The following EXOC2 variants were observed in gnomAD, a reference collection of about 807,000 sequenced individuals.
The protein encoded by EXOC2 is exocyst complex component 2, also known as SEC5-like 1.
In EXOC2, 70 loss-of-function variants were observed where a neutral mutation model predicts 131.8. The observed-to-expected ratio is 0.53, with a 90% CI of 0.44 to 0.65. The LOEUF is 0.65. Ranked by LOEUF, EXOC2 falls within the 30% of genes least tolerant of loss-of-function variation. The pLI is 0.00. For synonymous variants in EXOC2, 411 were observed against 398.4 expected (o/e 1.03, Z -0.38); for missense variants, 923 against 1,108.6 (o/e 0.83, Z 2.38).
At chr6:488,519 A>T (rs1258469987) in intron 27 of EXOC2, among the ~76,000 whole-genome samples, 2 of 152,152 alleles carry the variant, frequency 1.3e-5, no homozygotes, top group Non-Finnish European at 2.9e-5. Context: ...ATATGTGCAC[A>T]TCTACTTTCA....
At chr6:646,808 G>A (rs1762598756) in intron 1 of EXOC2, among the ~76,000 whole-genome samples, 1 of 152,172 alleles carries the variant, frequency 6.6e-6, no homozygotes, top group South Asian at 2.1e-4. Flanking sequence ...AGTGTGGAAA[G>A]CTTGTTTTGA....
chr6:594,453 G>A (rs554551177), intron 10 of EXOC2, among the ~76,000 whole-genome samples: 2 of 152,078 alleles, frequency 1.3e-5, no homozygotes, highest in Non-Finnish European at 2.9e-5. Flanking sequence ...TTTCACTCAC[G>A]TAGCCCTCAG....
At chr6:588,638 C>A (rs888643551) in intron 11 of EXOC2, among the ~76,000 whole-genome samples, 2 of 152,236 alleles carry the variant, frequency 1.3e-5, no homozygotes, top group Admixed American at 1.3e-4. Context: ...CAGGCGTGGG[C>A]CACCGCACCG....
chr6:491,621 C>T (rs149655900), intron 25 of EXOC2, among the ~76,000 whole-genome samples: 135 of 152,376 alleles, frequency 8.9e-4, no homozygotes, highest in African/African-American at 3.1e-3. Flanking sequence ...CTTGCAGGCA[C>T]ACTGCCTTAA....
At chr6:542,644 T>C (rs2127556130) in intron 22 of EXOC2, among the ~76,000 whole-genome samples, 1 of 152,286 alleles carries the variant, frequency 6.6e-6, no homozygotes, top group Middle Eastern at 3.4e-3. Flanking sequence ...TCATTAACCA[T>C]CACCTCATAA....
chr6:556,691 T>C (rs1057458011), intron 17 of EXOC2, 127 bp from the exon 18 acceptor site: 2 of 954,090 alleles, frequency 2.1e-6, no homozygotes, highest in Non-Finnish European at 3.2e-6. Context: ...AGACACACGA[T>C]CTGAAAAGTC....
At chr6:610,351 T>A (rs185621192) in intron 6 of EXOC2, among the ~76,000 whole-genome samples, 173 bp from the exon 7 acceptor site, 1 of 152,336 alleles carries the variant, frequency 6.6e-6, no homozygotes, top group East Asian at 1.9e-4. Flanking sequence ...GTCTAAGTTA[T>A]TCACAGTTTA....
At chr6:569,557 G>C (rs1758156843) in intron 13 of EXOC2, among the ~76,000 whole-genome samples, 1 of 152,202 alleles carries the variant, frequency 6.6e-6, no homozygotes, top group Admixed American at 6.5e-5. Context: ...AAAAGCCCCA[G>C]AACTCTTCCC....
At chr6:521,721 T>TCTCA (rs1256921129) in intron 23 of EXOC2, among the ~76,000 whole-genome samples, 1 of 151,940 alleles carries the variant, frequency 6.6e-6, no homozygotes, top group East Asian at 1.9e-4. Flanking sequence ...AGGGATGGGG[T>TCTCA]CTCACTATGT....
At chr6:615,530 A>T (rs182368880) in intron 6 of EXOC2, among the ~76,000 whole-genome samples, 143 of 152,146 alleles carry the variant, frequency 9.4e-4, no homozygotes, top group Non-Finnish European at 1.7e-3. Context: ...TCTTCAACAA[A>T]TCAATAGCAT....
At chr6:589,976 G>A (rs1392935599) in intron 11 of EXOC2, among the ~76,000 whole-genome samples, 6 of 152,322 alleles carry the variant, frequency 3.9e-5, no homozygotes, top group South Asian at 2.1e-4. Context: ...TTAGCTAGGC[G>A]TGGTAGCGGG....
At chr6:654,111 T>C (rs894810432) in intron 1 of EXOC2, among the ~76,000 whole-genome samples, 1 of 152,250 alleles carries the variant, frequency 6.6e-6, no homozygotes, top group Non-Finnish European at 1.5e-5. Context: ...TCATTAACAA[T>C]GCACCTGGTC....
chr6:502,950 C>A (rs1375884808), intron 23 of EXOC2, among the ~76,000 whole-genome samples: 1 of 152,204 alleles, frequency 6.6e-6, no homozygotes, highest in African/African-American at 2.4e-5. Context: ...TCAAACCACA[C>A]ATCAGGCCAG....
intron 19 of EXOC2, 66 bp from the exon 20 acceptor site, chr6:555,354 C>T: frequency 9.6e-7 from 1 of 1,036,618 alleles, no homozygotes; most frequent in South Asian, 2.0e-5. Flanking sequence ...TCTATTTGGA[C>T]ACTAAAGATA....
chr6:535,989 T>C (rs1284990333), intron 22 of EXOC2, among the ~76,000 whole-genome samples: 1 of 151,932 alleles, frequency 6.6e-6, no homozygotes, highest in East Asian at 1.9e-4. Flanking sequence ...CTTGAGAAAA[T>C]TCAATATACT....
rs899424177 is a variant in EXOC2, at chr6:501,043, T to C, written c.2381-1343A>G. ...ATATCGAGATATATATAGAGACATATAGATATACATATCTATATATATCTA... is the reference window on the plus strand; with the variant it reads ...ATATCGAGATATATATAGAGACATACAGATATACATATCTATATATATCTA... On this transcript the variant is annotated intron_variant, in intron 23 of 27. Coordinates refer to ENST00000230449, the MANE Select transcript of EXOC2 (RefSeq NM_018303.6). Among the ~76,000 whole-genome samples the C allele has an allele frequency of 1.8e-3, 245 of 139,464 alleles. 2 individuals are homozygous for C. The highest frequency in any genetic ancestry group is 5.4e-3 in the African/African-American group (198 of 36,954). 91.5% of individuals were successfully genotyped at this position (139,464 alleles called of 152,430 possible). A position where few individuals can be genotyped will look rare whatever the true frequency, so the allele number is the denominator to read the frequency against.
At chr6:676,592 A>G (rs376733619) in intron 1 of EXOC2, among the ~76,000 whole-genome samples, 21 of 11,200 alleles carry the variant, frequency 1.9e-3, no homozygotes, top group East Asian at 0.1. Context: ...ATACTCTTCA[A>G]CATTACGGAA....
At chr6:593,402 C>T (rs1042223709) in intron 10 of EXOC2, among the ~76,000 whole-genome samples, 1 of 152,198 alleles carries the variant, frequency 6.6e-6, no homozygotes, top group Admixed American at 6.5e-5. Flanking sequence ...TTGGTGACAA[C>T]ACTCACCTCT....
At chr6:496,010 T>A (rs1024362949) in intron 25 of EXOC2, among the ~76,000 whole-genome samples, 82 of 152,200 alleles carry the variant, frequency 5.4e-4, no homozygotes, top group African/African-American at 1.8e-3. Flanking sequence ...TTTTAAAAAT[T>A]CATCTACTGT....
Sources: gnomAD v4.1 joint callset for allele counts (sites outside exome capture counted in the v4.1 genomes callset) on GRCh38, gnomAD v4.1.1 for gene constraint, MANE v1.5 for transcripts, NCBI Gene and HGNC (gene_info 2026-07-23, HGNC 2026-07-21) for gene names.